Variants in CCDC171 observed in about 807,000 individuals in gnomAD.
CCDC171 encodes coiled-coil domain-containing protein 171.
A neutral mutation model predicts 168.2 loss-of-function variants in CCDC171; 177 were observed. The ratio of observed to expected loss-of-function variants is 1.05; its 90% CI spans 0.93 to 1.19. The LOEUF is 1.19. CCDC171 is among the 50% of genes most tolerant of loss of function. CCDC171 has a pLI of 0.00. For missense variants in CCDC171, 1,991 were observed against 1,539.0 expected (o/e 1.29, Z -4.91); for synonymous variants, 687 against 540.8 (o/e 1.27, Z -3.75).
rs1016451827 is a variant in CCDC171 at position 15,686,412 on chromosome 9, A to G, written c.1215+7516A>G. Among the ~76,000 whole-genome samples, 10 of 152,152 alleles carry G rather than the reference A, an allele frequency of 6.6e-5. 1 individual carries two copies. In the South Asian group the frequency reaches 1.5e-3, roughly 22 times the overall value. Reference sequence around the variant, plus strand: ...GTTTTTGATGATCATTAAAGATAATATATGTATCGGGAGAATGGCGTGAAC... The same window carrying G: ...GTTTTTGATGATCATTAAAGATAATGTATGTATCGGGAGAATGGCGTGAAC... On this transcript the variant is annotated intron_variant, in intron 10 of 25. Transcript: ENST00000380701.
chr9:15,978,178 T>A (rs1282955555), downstream of CCDC171, among the ~76,000 whole-genome samples: 1 of 152,146 alleles, frequency 6.6e-6, no homozygotes, highest in Non-Finnish European at 1.5e-5. Flanking sequence ...TTGAACTCAT[T>A]GTAAATGCTT....
At chr9:15,603,805 C>G (rs999460696) in intron 6 of CCDC171, among the ~76,000 whole-genome samples, 1 of 152,156 alleles carries the variant, frequency 6.6e-6, no homozygotes, top group Non-Finnish European at 1.5e-5. Context: ...ATTTCTGGTT[C>G]TAGATCTTTG....
intron 20 of CCDC171, among the ~76,000 whole-genome samples, chr9:15,783,730 T>C (rs575851088): frequency 1.3e-5 from 2 of 152,336 alleles, no homozygotes; most frequent in Admixed American, 6.5e-5. Flanking sequence ...GAACTGTCAT[T>C]AGTTATTCCA....
chr9:15,874,549 G>A lies in CCDC171; in HGVS notation c.3486G>A (p.Ser1162=), dbSNP rs777658349. The stretch of plus-strand genomic sequence containing the variant: ...CCCTTTAGGTCAGAGATCAGATCTC[G>A]CTGTCATGGTCTGCGGCAAGTAGGA... ...NTLHKVRDQI[S]LSWSAASRND... Residue 1162 remains serine, a synonymous_variant, in exon 24 of 26, where the codon TCG becomes TCA. Transcript: ENST00000380701. The A allele has an allele frequency of 1.0e-5, 16 of 1,602,922 alleles. No homozygotes were observed. Among genetic ancestry groups the A allele is most frequent in the South Asian group, 3.4e-5 (3 of 89,112 alleles).
intron 2 of CCDC171, among the ~76,000 whole-genome samples, chr9:15,568,125 T>C (rs2039896544): frequency 6.6e-6 from 1 of 152,110 alleles, no homozygotes. Flanking sequence ...TTCTAGTCTG[T>C]TTTTTCTTAG....
the CCDC171 span, among the ~76,000 whole-genome samples, chr9:16,102,022 G>A: frequency 6.6e-6 from 1 of 152,214 alleles, no homozygotes; most frequent in Non-Finnish European, 1.5e-5. Context: ...GTGGTAATGT[G>A]TTCTGCAGCA....
rs1348360521 is a variant in CCDC171 at position 15,591,440 on chromosome 9, G to A, written c.427G>A (p.Glu143Lys). 2 of 1,608,358 alleles carry A rather than the reference G, an allele frequency of 1.2e-6. No homozygotes were observed. The highest frequency in any genetic ancestry group is 8.5e-7 in the Non-Finnish European group (1 of 1,177,546). Reference protein sequence around the residue: ...AFQTSQQKWKEECRRFEHDLE... With the variant: ...AFQTSQQKWKKECRRFEHDLE... The stretch of plus-strand genomic sequence containing the variant: ...TCAGACTTCTCAGCAAAAATGGAAA[G>A]AAGAATGCAGAAGATTTGAACATGA... The change falls in exon 5 of 26, where the codon GAA becomes AAA. Residue 143 changes from glutamate to lysine, a missense_variant. By Grantham distance (56) the Glu-to-Lys change is moderately conservative. Transcript: ENST00000380701.
intron 24 of CCDC171, among the ~76,000 whole-genome samples, chr9:15,901,607 C>G (rs950256486): frequency 6.6e-6 from 1 of 151,926 alleles, no homozygotes; most frequent in Non-Finnish European, 1.5e-5. Flanking sequence ...TAAATACATG[C>G]CATTAATTAT....
At chr9:16,038,881 A>AAAAAAAAAAAAAG (rs1554714920), upstream of CCDC171, among the ~76,000 whole-genome samples, 1 of 135,090 alleles carries the variant, frequency 7.4e-6, no homozygotes. Context: ...AAAAAAAAAA[A>AAAAAAAAAAAAAG]AAAGCTGAAT....
At chr9:15,789,248 A>G (rs1252872356) in intron 21 of CCDC171, among the ~76,000 whole-genome samples, 6 of 151,974 alleles carry the variant, frequency 3.9e-5, no homozygotes, top group Non-Finnish European at 7.4e-5. Context: ...GGGATGCTCA[A>G]CCAGTAAGTA....
chr9:16,022,190 ACATTGAAT>A (rs1221749250), intron 4 of CCDC171: 1 of 152,262 alleles, frequency 6.6e-6, no homozygotes, highest in Non-Finnish European at 1.5e-5. Flanking sequence ...ATCCTAACCG[ACATTGAAT>A]CAAGAAAAAT....
intron 4 of CCDC171, among the ~76,000 whole-genome samples, chr9:15,586,536 C>T (rs10810402): frequency 0.4 from 61,284 of 151,908 alleles, 13,390 homozygotes; most frequent in East Asian, 0.73. Context: ...AAACTGGAAG[C>T]ACCAGATACC....
chr9:15,810,002 C>T (rs2059267335), intron 21 of CCDC171, among the ~76,000 whole-genome samples: 1 of 152,204 alleles, frequency 6.6e-6, no homozygotes, highest in South Asian at 2.1e-4. Context: ...AAACCTTTAG[C>T]TAGACACAAA....
chr9:15,840,332 A>G (rs1180420985), intron 21 of CCDC171, among the ~76,000 whole-genome samples: 1 of 152,134 alleles, frequency 6.6e-6, no homozygotes, highest in Non-Finnish European at 1.5e-5. Flanking sequence ...ATTCTAAATG[A>G]TAGTTTTTTA....
intron 4 of CCDC171, among the ~76,000 whole-genome samples, chr9:15,590,238 T>C (rs2041880799): frequency 6.6e-6 from 1 of 152,242 alleles, no homozygotes; most frequent in Non-Finnish European, 1.5e-5. Flanking sequence ...CTTTTGTACC[T>C]TTTATACCTT....
At chr9:15,824,061 G>A (rs917762350) in intron 21 of CCDC171, among the ~76,000 whole-genome samples, 2 of 151,902 alleles carry the variant, frequency 1.3e-5, no homozygotes, top group Middle Eastern at 3.2e-3. Flanking sequence ...CTACACAGTG[G>A]AGAAAATTTT....
At chr9:15,607,395 A>C (rs2043307411) in intron 6 of CCDC171, among the ~76,000 whole-genome samples, 1 of 152,124 alleles carries the variant, frequency 6.6e-6, no homozygotes, top group African/African-American at 2.4e-5. Flanking sequence ...GTATTATTTT[A>C]GTATTTTTGT....
At chr9:15,609,786 AT>A (rs2043515353) in intron 6 of CCDC171, among the ~76,000 whole-genome samples, 1 of 152,020 alleles carries the variant, frequency 6.6e-6, no homozygotes, top group Admixed American at 6.6e-5. Flanking sequence ...TATTCTTAAT[AT>A]TTTTTAGGGG....
chr9:15,981,879 G>A (rs1831807483), intron 3 of CCDC171, among the ~76,000 whole-genome samples: 1 of 152,186 alleles, frequency 6.6e-6, no homozygotes, highest in South Asian at 2.1e-4. Flanking sequence ...CTCCCAGCCA[G>A]AAGGAATTGT....
Sources: allele counts gnomAD v4.1 joint callset (sites outside exome capture counted in the v4.1 genomes callset), GRCh38; gene constraint gnomAD v4.1.1; transcripts MANE v1.5; gene names NCBI Gene and HGNC (gene_info 2026-07-23, HGNC 2026-07-21).